The following SMIM27 variants were observed in gnomAD, a reference collection of about 807,000 sequenced individuals.
SMIM27 encodes the protein TOPORS antisense RNA 1 (non-protein coding).
Under a neutral mutation model 1.8 loss-of-function variants are expected in SMIM27, and 3 were observed. That is an observed-to-expected ratio of 1.65 (90% CI 0.75 to 4.28). The LOEUF (loss-of-function observed/expected upper bound fraction) is 4.28. Among genes scored for constraint, SMIM27 ranks in the 30% most tolerant of loss-of-function variants. The pLI, the probability that SMIM27 is intolerant of heterozygous loss-of-function variation, is 0.02. For missense variants in SMIM27, 63 were observed against 37.0 expected (o/e 1.70, Z -1.83); for synonymous variants, 19 against 13.9 (o/e 1.37, Z -0.82).
intron 1 of SMIM27, among the ~76,000 whole-genome samples, chr9:32,561,360 A>T (rs540899320): frequency 6.6e-6 from 1 of 151,260 alleles, no homozygotes; most frequent in East Asian, 1.9e-4. Context: ...GAGTCTCGTT[A>T]TATCGCTCAG....
chr9:32,553,045 C>G (rs1403579149), downstream of SMIM27: 2 of 538,964 alleles, frequency 3.7e-6, no homozygotes, highest in Non-Finnish European at 6.6e-6. Context: ...ATAACAAGCA[C>G]TAGTATGCAA....
At chr9:32,553,511 A>C (rs1821362927), downstream of SMIM27, 1 of 208,452 alleles carries the variant, frequency 4.8e-6, no homozygotes, top group East Asian at 1.6e-4. Context: ...TTAAAACAAA[A>C]GTGCATGGAA....
intron 1 of SMIM27, among the ~76,000 whole-genome samples, chr9:32,561,465 T>A (rs1821623864): frequency 6.6e-6 from 1 of 152,104 alleles, no homozygotes; most frequent in Admixed American, 6.6e-5. Context: ...GTAGCTGGGA[T>A]TACAGGCACA....
At chr9:32,553,793 G>T, downstream of SMIM27, 1 of 918,688 alleles carries the variant, frequency 1.1e-6, no homozygotes, top group South Asian at 1.5e-5. Context: ...CTTTATTAAA[G>T]TTACTTTTCC....
chr9:32,566,825 G>A (rs1821806460), exon 2 of SMIM27: 1 of 886,848 alleles, frequency 1.1e-6, no homozygotes, highest in Non-Finnish European at 1.8e-6. Context: ...GCCTCTGTGG[G>A]GGCCTGCTCA....
At chr9:32,566,572 G>C (rs556352577) in exon 2 of SMIM27, 20 of 781,974 alleles carry the variant, frequency 2.6e-5, no homozygotes, top group Middle Eastern at 2.6e-4. Flanking sequence ...ACAGACTGGA[G>C]CTTCTGGCAC....
At chr9:32,566,476 G>A (rs1821793209) in exon 2 of SMIM27, 3 of 798,060 alleles carry the variant, frequency 3.8e-6, no homozygotes, top group South Asian at 2.7e-5. Flanking sequence ...CATGTCGAAG[G>A]GACCCTGGCA....
At chr9:32,553,735 C>CA (rs1373208075), downstream of SMIM27, 3 of 629,290 alleles carry the variant, frequency 4.8e-6, no homozygotes, top group African/African-American at 5.6e-5. Context: ...TACTCAGTCT[C>CA]AAATTGTACA....
At chr9:32,561,632 A>G (rs1821629513) in intron 1 of SMIM27, among the ~76,000 whole-genome samples, 1 of 152,106 alleles carries the variant, frequency 6.6e-6, no homozygotes, top group African/African-American at 2.4e-5. Context: ...CCCAGTCTAA[A>G]ATATTCACTT....
chr9:32,557,341 T>G (rs2119003405), downstream of SMIM27, among the ~76,000 whole-genome samples: 3 of 151,096 alleles, frequency 2.0e-5, 1 homozygote, highest in Middle Eastern at 0.01. Flanking sequence ...TTTTTGTATT[T>G]TTTTTTTAGT....
intron 1 of SMIM27, chr9:32,566,361 G>A: frequency 3.4e-6 from 4 of 1,182,944 alleles, no homozygotes; most frequent in Non-Finnish European, 5.1e-6. Flanking sequence ...AGGAATGATG[G>A]TGCGTTTTTG....
chr9:32,558,870 A>G, intron 1 of SMIM27: 1 of 1,362,138 alleles, frequency 7.3e-7, no homozygotes, highest in Non-Finnish European at 1.0e-6. Context: ...GAAAGAGAAA[A>G]ACAATAAACA....
chr9:32,558,187 C>T (rs1821524884), intron 1 of SMIM27, among the ~76,000 whole-genome samples: 1 of 150,678 alleles, frequency 6.6e-6, no homozygotes, highest in Non-Finnish European at 1.5e-5. Flanking sequence ...CCTCGGCTCA[C>T]TGCAAGCTCC....
chr9:32,552,967 T>G lies in SMIM27; in HGVS notation c.*44T>G. On this transcript the variant is annotated 3_prime_UTR_variant, in exon 2 of 2. Coordinates refer to ENST00000692500, the MANE Select transcript of SMIM27 (RefSeq NM_001387564.1). ...TCTGAAAATACAGTTCTTTCCCTCA[T>G]GCTTATGTAGATATAAAAATAAAAT... 1.5e-6 allele frequency: 1 copy of G among 661,920 alleles called. No individual in the cohort carries two copies. The highest frequency in any genetic ancestry group is 2.7e-6 in the Non-Finnish European group (1 of 366,632). The allele number at this position is 661,920 out of a possible 1,614,324, so 41.0% of individuals were successfully genotyped here. A position where few individuals can be genotyped will look rare whatever the true frequency, so the allele number is the denominator to read the frequency against.
Position 32,552,836 on chromosome 9 carries a change from C to CA in SMIM27, c.82dup (p.Ile28AsnfsTer26). 1 of 702,720 alleles carries CA rather than the reference C, an allele frequency of 1.4e-6. No homozygotes were observed. The highest frequency in any genetic ancestry group is 2.6e-6 in the Non-Finnish European group (1 of 384,814). The allele number at this position is 702,720 out of a possible 1,614,324, so 43.5% of individuals were successfully genotyped here. A position where few individuals can be genotyped will look rare whatever the true frequency, so the allele number is the denominator to read the frequency against. ...CCATCGTTTTAATCTCCTGGGGCTG[C>CA]ATCATCTATGCTTCGATGGTGTCTG... On this transcript the variant is annotated frameshift_variant, in exon 2 of 2. Coordinates refer to ENST00000692500, the MANE Select transcript of SMIM27 (RefSeq NM_001387564.1). LOFTEE classifies it low-confidence loss of function (END_TRUNC).
At chr9:32,565,976 AAAAC>A (rs919018869) in intron 1 of SMIM27, among the ~76,000 whole-genome samples, 4 of 152,302 alleles carry the variant, frequency 2.6e-5, no homozygotes, top group East Asian at 1.9e-4. Flanking sequence ...CCACCTACAA[AAAAC>A]AAACAAACAA....
chr9:32,566,634 G>A, exon 2 of SMIM27: 1 of 792,524 alleles, frequency 1.3e-6, no homozygotes, highest in Non-Finnish European at 2.3e-6. Context: ...ACCCACCATG[G>A]AGGAGCAGGA....
At chr9:32,565,396 G>C (rs566684607) in intron 1 of SMIM27, 2 of 152,292 alleles carry the variant, frequency 1.3e-5, no homozygotes, top group South Asian at 2.1e-4. Flanking sequence ...TGGGCATTTA[G>C]AACAGTCAAG....
At chr9:32,556,567 G>C (rs921098558), downstream of SMIM27, among the ~76,000 whole-genome samples, 6 of 152,076 alleles carry the variant, frequency 3.9e-5, no homozygotes, top group Non-Finnish European at 7.4e-5. Flanking sequence ...TTCCTCAAAG[G>C]GGTCATGGCA....
Sources: allele counts gnomAD v4.1 joint callset (sites outside exome capture counted in the v4.1 genomes callset), GRCh38; gene constraint gnomAD v4.1.1; transcripts MANE v1.5; gene names NCBI Gene and HGNC (gene_info 2026-07-23, HGNC 2026-07-21).